The following SMARCC1 variants were observed in gnomAD, a reference collection of about 807,000 sequenced individuals.
SMARCC1 encodes the protein SWI/SNF related BAF chromatin remodeling complex subunit C1.
Under a neutral mutation model 147.4 loss-of-function variants are expected in SMARCC1, and 43 were observed. That is an observed-to-expected ratio of 0.29 (90% CI 0.23 to 0.38). The LOEUF is 0.38. Ranked by LOEUF, SMARCC1 falls within the 10% of genes least tolerant of loss-of-function variation. The probability of loss-of-function intolerance (pLI) is 1.00; values close to 1 mark genes in which losing one functional copy is unlikely to be tolerated. For synonymous variants in SMARCC1, 495 were observed against 484.4 expected (o/e 1.02, Z -0.29); for missense variants, 1,119 against 1,381.1 (o/e 0.81, Z 3.01).
At chr3:47,595,066 T>G (rs2032249963) in intron 26 of SMARCC1, among the ~76,000 whole-genome samples, 1 of 151,852 alleles carries the variant, frequency 6.6e-6, no homozygotes, top group African/African-American at 2.4e-5. Flanking sequence ...TCCTGGAGAG[T>G]CACCGGTTCT....
At chr3:47,775,542 G>C (rs2034964444) in intron 1 of SMARCC1, among the ~76,000 whole-genome samples, 1 of 150,622 alleles carries the variant, frequency 6.6e-6, no homozygotes, top group South Asian at 2.1e-4. Flanking sequence ...GGGAGGCCGA[G>C]GCGGGCGAAT....
chr3:47,618,777 C>T (rs913649878), intron 25 of SMARCC1, among the ~76,000 whole-genome samples: 2 of 151,974 alleles, frequency 1.3e-5, no homozygotes, highest in Non-Finnish European at 2.9e-5. Flanking sequence ...AACCGGGGGA[C>T]CTGCAGGTTC....
intron 18 of SMARCC1, among the ~76,000 whole-genome samples, chr3:47,673,992 T>C (rs1235190956): frequency 2.6e-5 from 4 of 152,222 alleles, no homozygotes; most frequent in Non-Finnish European, 5.9e-5. Flanking sequence ...TGACCTTTTT[T>C]CTATCACTCT....
rs1256553939 is a variant in SMARCC1, at chr3:47,740,198, TTTTTTTTTTTTTTA to T, written c.402-2102_402-2089del. On this transcript the variant is annotated intron_variant, in intron 3 of 27. Coordinates refer to ENST00000254480, the MANE Select transcript of SMARCC1 (RefSeq NM_003074.4). Reference sequence around the variant, plus strand: ...GCCATCTTTTTTTTTTTTTTTTTTTTTTTTTTTTTTTTTAAAAGACAGACTCTCGCCCTGTCGTC... The same window carrying T: ...GCCATCTTTTTTTTTTTTTTTTTTTTAAAGACAGACTCTCGCCCTGTCGTC... Among the ~76,000 whole-genome samples, 22 of 132,716 alleles carry T rather than the reference TTTTTTTTTTTTTTA, an allele frequency of 1.7e-4. No individual in the cohort carries two copies. The East Asian group carries it at 2.0e-3, about 12-fold the overall frequency. 87.1% of individuals were successfully genotyped at this position (132,716 alleles called of 152,430 possible).
chr3:47,746,726 ATTTT>A (rs35599897), intron 2 of SMARCC1, among the ~76,000 whole-genome samples: 8 of 121,998 alleles, frequency 6.6e-5, no homozygotes, highest in Non-Finnish European at 8.7e-5. Context: ...CACATCAGTA[ATTTT>A]TTTTTTTTTT....
Position 47,676,250 on chromosome 3 carries a change from A to G in SMARCC1, c.1725+379T>C, listed in dbSNP as rs374725053. Among the ~76,000 whole-genome samples the G allele has an allele frequency of 7.9e-5, 12 of 152,326 alleles. No individual in the cohort carries two copies. In the East Asian group the frequency reaches 1.5e-3, roughly 20 times the overall value. ...TATACACTTTACAAATCTTAGGACA[A>G]GTTATAAAGATTTCTTTGCTTCACA... is the stretch of plus-strand genomic sequence containing the variant. On this transcript the variant is annotated intron_variant, in intron 17 of 27. Coordinates refer to ENST00000254480, the MANE Select transcript of SMARCC1 (RefSeq NM_003074.4).
intron 21 of SMARCC1, among the ~76,000 whole-genome samples, chr3:47,653,043 G>A (rs1387276837): frequency 1.4e-5 from 2 of 145,998 alleles, no homozygotes; most frequent in East Asian, 2.1e-4. Flanking sequence ...TGCAAGCTCC[G>A]CTTCCCGGGT....
intron 5 of SMARCC1, among the ~76,000 whole-genome samples, chr3:47,735,334 A>G (rs2034429095): frequency 6.6e-6 from 1 of 151,924 alleles, no homozygotes; most frequent in South Asian, 2.1e-4. Context: ...GAGGGGAGAG[A>G]AAAAAAACAC....
chr3:47,610,486 A>C (rs2032549603), intron 25 of SMARCC1, 159 bp from the exon 26 acceptor site: 2 of 713,616 alleles, frequency 2.8e-6, no homozygotes, highest in Non-Finnish European at 4.8e-6. Flanking sequence ...CAAAGGCATT[A>C]TTTCTTGAGT....
chr3:47,725,579 T>C (rs935701421), intron 6 of SMARCC1, among the ~76,000 whole-genome samples: 2 of 151,914 alleles, frequency 1.3e-5, no homozygotes, highest in African/African-American at 4.8e-5. Context: ...GCCTCCCAAA[T>C]AGCTGGAATG....
intron 21 of SMARCC1, among the ~76,000 whole-genome samples, chr3:47,652,403 C>T (rs994174916): frequency 1.3e-5 from 2 of 152,106 alleles, no homozygotes; most frequent in African/African-American, 2.4e-5. Context: ...CATTATATTT[C>T]CCATAGTATC....
intron 6 of SMARCC1, among the ~76,000 whole-genome samples, chr3:47,723,473 T>A (rs542593031): frequency 7.2e-6 from 1 of 138,556 alleles, no homozygotes; most frequent in Non-Finnish European, 1.6e-5. Context: ...AATTCTGTCT[T>A]AAAAAAAAAA....
At chr3:47,728,236 G>A (rs1020764166) in intron 6 of SMARCC1, among the ~76,000 whole-genome samples, 1 of 151,406 alleles carries the variant, frequency 6.6e-6, no homozygotes, top group Non-Finnish European at 1.5e-5. Context: ...ACAAATGGGT[G>A]CCAGCACAGC....
intron 21 of SMARCC1, among the ~76,000 whole-genome samples, chr3:47,641,290 C>G (rs2033044647): frequency 6.6e-6 from 1 of 152,090 alleles, no homozygotes; most frequent in Non-Finnish European, 1.5e-5. Context: ...AGTTTGAGAC[C>G]AGCCTGGGCA....
At chr3:47,631,268 T>C (rs2106696442) in intron 24 of SMARCC1, among the ~76,000 whole-genome samples, 1 of 152,324 alleles carries the variant, frequency 6.6e-6, no homozygotes, top group Non-Finnish European at 1.5e-5. Context: ...CCAATTACCA[T>C]GTTGCCACGA....
chr3:47,595,635 G>C (rs1280709101), intron 26 of SMARCC1, among the ~76,000 whole-genome samples: 3 of 151,974 alleles, frequency 2.0e-5, no homozygotes, highest in African/African-American at 7.3e-5. Flanking sequence ...ATTACTGAGA[G>C]GTACCATTTA....
chr3:47,704,284 A>G (rs2033963876), intron 10 of SMARCC1, among the ~76,000 whole-genome samples: 1 of 152,344 alleles, frequency 6.6e-6, no homozygotes, highest in Middle Eastern at 3.4e-3. Flanking sequence ...AAAAGTTGGG[A>G]AAACAGATTT....
intron 10 of SMARCC1, among the ~76,000 whole-genome samples, chr3:47,703,787 T>C (rs1234519485): frequency 1.3e-5 from 2 of 152,092 alleles, no homozygotes; most frequent in African/African-American, 4.8e-5. Flanking sequence ...CAAATAAAAA[T>C]CGCATGATGA....
At chr3:47,612,304 T>C (rs1293495618) in intron 25 of SMARCC1, among the ~76,000 whole-genome samples, 1 of 152,248 alleles carries the variant, frequency 6.6e-6, no homozygotes, top group Non-Finnish European at 1.5e-5. Flanking sequence ...TTTAGGACTC[T>C]GAATTTGCTT....
Sources: gnomAD v4.1 joint callset for allele counts (sites outside exome capture counted in the v4.1 genomes callset) on GRCh38, gnomAD v4.1.1 for gene constraint, MANE v1.5 for transcripts, NCBI Gene and HGNC (gene_info 2026-07-23, HGNC 2026-07-21) for gene names.